The following NTRK2 variants were observed in gnomAD, a reference collection of about 807,000 sequenced individuals.
NTRK2 encodes the protein neurotrophic receptor tyrosine kinase 2.
A neutral mutation model predicts 94.5 loss-of-function variants in NTRK2; 13 were observed. The ratio of observed to expected loss-of-function variants is 0.14; its 90% CI spans 0.09 to 0.22. NTRK2 has a LOEUF of 0.22. Among genes scored for constraint, NTRK2 ranks in the 10% least tolerant of loss-of-function variants. The pLI is 1.00. For synonymous variants in NTRK2, 372 were observed against 407.4 expected (o/e 0.91, Z 1.05); for missense variants, 639 against 1,071.2 (o/e 0.60, Z 5.63).
intron 14 of NTRK2, among the ~76,000 whole-genome samples, chr9:84,924,892 C>T (rs556328114): frequency 6.6e-6 from 1 of 152,158 alleles, no homozygotes; most frequent in Non-Finnish European, 1.5e-5. Context: ...GTCCCTGGTG[C>T]CCTCCCAGAA....
rs4877292 is a variant in NTRK2, at chr9:84,923,156, C to G, written c.1634-11006C>G. On this transcript the variant is annotated intron_variant, in intron 14 of 18. Transcript: ENST00000277120. ...CAGCTGAGGAGAGCAGCCTGGGAAG[C>G]TTGCATGGAGTTCTGGACCTCAAAA... Among the ~76,000 whole-genome samples the G allele has an allele frequency of 9.8e-3, 1,495 of 152,222 alleles. 15 individuals carry two copies. The highest frequency in any genetic ancestry group is 0.018 in the Admixed American group (268 of 15,300).
chr9:84,982,963 C>G lies in NTRK2; in HGVS notation c.2172+27446C>G, dbSNP rs547421005. 6.6e-5 allele frequency among the ~76,000 whole-genome samples: 10 copies of G among 150,670 alleles called. No homozygotes were observed. In the East Asian group the frequency reaches 1.9e-3, roughly 29 times the overall value. ...GAGCAGTGGTGGATTTTTTTTTTCT[C>G]CTGCCTAATTTATACCCCATGTGAC... On this transcript the variant is annotated intron_variant, in intron 17 of 18. Coordinates refer to ENST00000277120, the MANE Select transcript of NTRK2 (RefSeq NM_006180.6).
chr9:84,909,487 T>G, intron 14 of NTRK2, among the ~76,000 whole-genome samples: 1 of 152,086 alleles, frequency 6.6e-6, no homozygotes, highest in Non-Finnish European at 1.5e-5. Context: ...TTTAGTTGTT[T>G]TTTTTTTAAG....
At chr9:84,952,116 AAT>A (rs955537317) in intron 16 of NTRK2, among the ~76,000 whole-genome samples, 1 of 152,202 alleles carries the variant, frequency 6.6e-6, no homozygotes, top group African/African-American at 2.4e-5. Flanking sequence ...TAAGCATTTT[AAT>A]ATGTTTCAGG....
intron 12 of NTRK2, among the ~76,000 whole-genome samples, chr9:84,804,574 C>T (rs2070882557): frequency 6.6e-6 from 1 of 152,098 alleles, no homozygotes; most frequent in African/African-American, 2.4e-5. Flanking sequence ...TATCATTAAC[C>T]TCTTGTTTGG....
intron 16 of NTRK2, among the ~76,000 whole-genome samples, chr9:84,952,006 T>C (rs1038326074): frequency 6.6e-6 from 1 of 152,234 alleles, no homozygotes; most frequent in African/African-American, 2.4e-5. Flanking sequence ...AAGGGTTTCA[T>C]GATTTTTCCT....
chr9:84,967,662 C>T (rs771759354), intron 17 of NTRK2, among the ~76,000 whole-genome samples: 6 of 152,354 alleles, frequency 3.9e-5, no homozygotes, highest in Non-Finnish European at 8.8e-5. Context: ...ATGTGGCCCA[C>T]GCCCTCAGCC....
rs76475088 is a variant in NTRK2, at chr9:84,676,579, A to G, written c.212+5619A>G. Among the ~76,000 whole-genome samples, 337 of 152,320 alleles carry G rather than the reference A, an allele frequency of 2.2e-3. 1 individual carries two copies. The highest frequency in any genetic ancestry group is 3.5e-3 in the Non-Finnish European group (235 of 68,024). On this transcript the variant is annotated intron_variant, in intron 2 of 18. Transcript: ENST00000277120. ...CCTCTTCTTTGCAAAAATCAAGGGCAGTGAAGAAAGTTGCCGAAGGCCGAC... is the reference window on the plus strand; with the variant it reads ...CCTCTTCTTTGCAAAAATCAAGGGCGGTGAAGAAAGTTGCCGAAGGCCGAC...
At chr9:84,942,688 TATC>T (rs1162157682) in intron 15 of NTRK2, among the ~76,000 whole-genome samples, 3 of 152,154 alleles carry the variant, frequency 2.0e-5, no homozygotes, top group South Asian at 2.1e-4. Flanking sequence ...ATATCTATAT[TATC>T]ATTTCAATGT....
At chr9:84,725,536 G>C (rs1478542259) in intron 8 of NTRK2, among the ~76,000 whole-genome samples, 1 of 151,870 alleles carries the variant, frequency 6.6e-6, no homozygotes, top group East Asian at 1.9e-4. Flanking sequence ...TGTGGCCCCT[G>C]CCCCACTGTG....
At chr9:84,967,512 G>T (rs762651156) in intron 17 of NTRK2, among the ~76,000 whole-genome samples, 1 of 152,224 alleles carries the variant, frequency 6.6e-6, no homozygotes, top group Non-Finnish European at 1.5e-5. Flanking sequence ...TTTAGAATCC[G>T]AACACTGAAA....
rs187282744 is a variant in NTRK2, at chr9:84,885,448, C to T, written c.1633+18017C>T. ...ACACCATTTAAATGGGAACTGCATC[C>T]GGTGTTCTTTGTATGGTAATAAACT... On this transcript the variant is annotated intron_variant, in intron 14 of 18. Transcript: ENST00000277120. 1.4e-4 allele frequency among the ~76,000 whole-genome samples: 22 copies of T among 152,194 alleles called. 1 individual carries two copies. The highest frequency in any genetic ancestry group is 2.6e-4 in the African/African-American group (11 of 41,538).
At chr9:84,735,455 G>T (rs1449384976) in intron 9 of NTRK2, among the ~76,000 whole-genome samples, 1 of 152,126 alleles carries the variant, frequency 6.6e-6, no homozygotes, top group African/African-American at 2.4e-5. Context: ...AGGATGCCCT[G>T]CAGAAGCTGG....
At chr9:84,729,857 A>G (rs554293639) in intron 9 of NTRK2, among the ~76,000 whole-genome samples, 2 of 152,258 alleles carry the variant, frequency 1.3e-5, no homozygotes, top group South Asian at 2.1e-4. Flanking sequence ...TCTGTTTTGG[A>G]AAGGATTTTG....
intron 12 of NTRK2, among the ~76,000 whole-genome samples, chr9:84,835,943 C>T (rs2073846366): frequency 6.6e-6 from 1 of 152,048 alleles, no homozygotes; most frequent in Non-Finnish European, 1.5e-5. Flanking sequence ...TAAGGAGGCC[C>T]TCGTGGTTGA....
chr9:84,866,543 C>G (rs2075603609), intron 13 of NTRK2, among the ~76,000 whole-genome samples: 1 of 152,028 alleles, frequency 6.6e-6, no homozygotes, highest in Admixed American at 6.6e-5. Flanking sequence ...GTTCTAGAGA[C>G]AATCATAGAA....
At chr9:84,780,105 T>G (rs2067423601) in intron 12 of NTRK2, among the ~76,000 whole-genome samples, 1 of 152,068 alleles carries the variant, frequency 6.6e-6, no homozygotes, top group Non-Finnish European at 1.5e-5. Flanking sequence ...AGGGAACATT[T>G]GGTCTGAGCT....
chr9:84,708,601 A>G (rs1480981861), intron 5 of NTRK2, among the ~76,000 whole-genome samples: 1 of 152,220 alleles, frequency 6.6e-6, no homozygotes, highest in Non-Finnish European at 1.5e-5. Flanking sequence ...AGGCACCTCA[A>G]AGCATCCTAA....
At chr9:84,721,603 A>G (rs111867627) in intron 6 of NTRK2, among the ~76,000 whole-genome samples, 1 of 152,156 alleles carries the variant, frequency 6.6e-6, no homozygotes, top group African/African-American at 2.4e-5. Context: ...AAGCGAGCCT[A>G]TATTTCATCT....
Sources: allele counts gnomAD v4.1 joint callset (sites outside exome capture counted in the v4.1 genomes callset), GRCh38; gene constraint gnomAD v4.1.1; transcripts MANE v1.5; gene names NCBI Gene and HGNC (gene_info 2026-07-23, HGNC 2026-07-21).